Variants in MECOM observed in about 807,000 individuals in gnomAD.
MECOM encodes histone-lysine N-methyltransferase MECOM.
Under a neutral mutation model 116.3 loss-of-function variants are expected in MECOM, and 13 were observed. The observed-to-expected ratio is 0.11, with a 90% CI of 0.07 to 0.18. The LOEUF is 0.18. MECOM is among the 10% of genes least tolerant of loss of function. The probability of loss-of-function intolerance (pLI) is 1.00; values close to 1 mark genes in which losing one functional copy is unlikely to be tolerated. For synonymous variants in MECOM, 528 were observed against 535.2 expected (o/e 0.99, Z 0.19); for missense variants, 1,299 against 1,509.0 (o/e 0.86, Z 2.31).
intron 1 of MECOM, chr3:169,477,148 T>TATATATATATACAC (rs1400596819): frequency 2.4e-5 from 1 of 42,500 alleles, no homozygotes; most frequent in African/African-American, 1.1e-4. Flanking sequence ...TATATATATA[T>TATATATATATACAC]ACACACACAC....
intron 1 of MECOM, among the ~76,000 whole-genome samples, chr3:169,608,619 C>T (rs1403675374): frequency 1.3e-5 from 2 of 152,078 alleles, no homozygotes; most frequent in African/African-American, 2.4e-5. Context: ...GGCAGGCACA[C>T]GGCAGTTATT....
intron 1 of MECOM, among the ~76,000 whole-genome samples, chr3:169,584,879 AGAG>A (rs1433624877): frequency 6.6e-6 from 1 of 152,216 alleles, no homozygotes. Context: ...AAAAGTACTA[AGAG>A]GATGAAAACT....
chr3:169,287,740 A>G (rs1713630662), intron 2 of MECOM, among the ~76,000 whole-genome samples: 1 of 152,186 alleles, frequency 6.6e-6, no homozygotes, highest in South Asian at 2.1e-4. Flanking sequence ...AAAATTGTCA[A>G]TAAATATGCT....
intron 1 of MECOM, among the ~76,000 whole-genome samples, chr3:169,645,241 C>T (rs1774017498): frequency 6.6e-6 from 1 of 152,132 alleles, no homozygotes; most frequent in Admixed American, 6.5e-5. Context: ...AAAATATAGC[C>T]CGATCCCACC....
At chr3:169,352,964 T>C (rs1283001948) in intron 2 of MECOM, among the ~76,000 whole-genome samples, 1 of 151,954 alleles carries the variant, frequency 6.6e-6, no homozygotes, top group Non-Finnish European at 1.5e-5. Flanking sequence ...AGAGCTTTGC[T>C]GTCTGGACCA....
intron 2 of MECOM, among the ~76,000 whole-genome samples, chr3:169,185,207 G>T (rs1354269973): frequency 6.6e-6 from 1 of 152,154 alleles, no homozygotes; most frequent in Admixed American, 6.5e-5. Flanking sequence ...CATGACCCAG[G>T]AGAATCAAGG....
rs547333157 is a variant in MECOM, at chr3:169,412,903, T to C, written c.38-31379A>G. Among the ~76,000 whole-genome samples, 4 of 152,354 alleles carry C rather than the reference T, an allele frequency of 2.6e-5. No individual in the cohort carries two copies. The South Asian group carries it at 6.2e-4, about 24-fold the overall frequency. On this transcript the variant is annotated intron_variant, in intron 1 of 16. Transcript: ENST00000651503. ...AGTTCAGTGACTGTTGAATTTCAGCTCCTGAAATACTGTATACCATTGAGC... is the reference window on the plus strand; with the variant it reads ...AGTTCAGTGACTGTTGAATTTCAGCCCCTGAAATACTGTATACCATTGAGC...
At chr3:169,214,416 C>T (rs191982250) in intron 2 of MECOM, among the ~76,000 whole-genome samples, 1 of 148,792 alleles carries the variant, frequency 6.7e-6, no homozygotes, top group African/African-American at 2.5e-5. Context: ...ATAATGGAGC[C>T]CAGGAGTGTT....
chr3:169,406,115 A>G (rs1428289441), intron 1 of MECOM, among the ~76,000 whole-genome samples: 4 of 152,188 alleles, frequency 2.6e-5, no homozygotes. Flanking sequence ...TTTTTCCCCA[A>G]TTAGCCATGT....
At chr3:169,277,961 T>C (rs1759820153) in intron 2 of MECOM, among the ~76,000 whole-genome samples, 1 of 152,230 alleles carries the variant, frequency 6.6e-6, no homozygotes, top group South Asian at 2.1e-4. Context: ...AACCCTGAAG[T>C]TCCTGGTTCA....
At chr3:169,657,613 A>G (rs1349975588) in intron 1 of MECOM, among the ~76,000 whole-genome samples, 1 of 152,224 alleles carries the variant, frequency 6.6e-6, no homozygotes, top group Non-Finnish European at 1.5e-5. Context: ...CAAGGAATTC[A>G]GGACTTTCTC....
intron 12 of MECOM, among the ~76,000 whole-genome samples, chr3:169,099,499 C>T (rs1307700346): frequency 6.6e-6 from 1 of 152,052 alleles, no homozygotes; most frequent in Non-Finnish European, 1.5e-5. Context: ...ATTTATAAAA[C>T]AGGTAGGAAA....
intron 2 of MECOM, among the ~76,000 whole-genome samples, chr3:169,312,613 C>T (rs1248672630): frequency 6.6e-6 from 1 of 152,116 alleles, no homozygotes; most frequent in Non-Finnish European, 1.5e-5. Flanking sequence ...CTCCTGACCT[C>T]GTGATCCGCC....
In MECOM at chr3:169,375,543, A is replaced by G. The variant is rs777377824; in HGVS notation, c.375+5644T>C. 2.0e-5 allele frequency among the ~76,000 whole-genome samples: 3 copies of G among 152,296 alleles called. No homozygotes were observed. In the East Asian group the frequency reaches 5.8e-4, roughly 29 times the overall value. On this transcript the variant is annotated intron_variant, in intron 2 of 16. Transcript: ENST00000651503. ...AATACAAACTACCATCAGAGATACT[A>G]TAAACACCTCCATGCAAATAAACTA...
chr3:169,295,045 T>C (rs2149703054), intron 2 of MECOM, among the ~76,000 whole-genome samples: 1 of 152,320 alleles, frequency 6.6e-6, no homozygotes, highest in South Asian at 2.1e-4. Context: ...GTTTTCTATC[T>C]TAATGTTACG....
chr3:169,650,847 C>T (rs1774811130), intron 1 of MECOM, among the ~76,000 whole-genome samples: 3 of 152,046 alleles, frequency 2.0e-5, no homozygotes, highest in African/African-American at 7.2e-5. Flanking sequence ...CTGGACACTA[C>T]CCAAATGTCA....
intron 1 of MECOM, among the ~76,000 whole-genome samples, chr3:169,591,464 C>G (rs992121541): frequency 6.6e-6 from 1 of 152,094 alleles, no homozygotes; most frequent in Non-Finnish European, 1.5e-5. Flanking sequence ...AGAGAGAAAG[C>G]CAAGTGCACC....
chr3:169,145,339 T>C, intron 2 of MECOM: 1 of 324,464 alleles, frequency 3.1e-6, no homozygotes, highest in Non-Finnish European at 5.7e-6. Context: ...TCTTCAACTC[T>C]CAGTGCTGAG....
rs561919686 is a variant in MECOM at position 169,187,645 on chromosome 3, T to A, written c.376-43813A>T. ...TAATACAGGAGAGGGGGAGAGCAAG[T>A]TCTGTCGTAAACAGTAAGCAGAATT... On this transcript the variant is annotated intron_variant, in intron 2 of 16. Coordinates refer to ENST00000651503, the MANE Select transcript of MECOM (RefSeq NM_004991.4). 2.9e-4 allele frequency among the ~76,000 whole-genome samples: 44 copies of A among 152,248 alleles called. No individual in the cohort carries two copies. The Middle Eastern group carries it at 0.01, about 35-fold the overall frequency.
Sources: allele counts gnomAD v4.1 joint callset (sites outside exome capture counted in the v4.1 genomes callset), GRCh38; gene constraint gnomAD v4.1.1; transcripts MANE v1.5; gene names NCBI Gene and HGNC (gene_info 2026-07-23, HGNC 2026-07-21).